Variants in GPM6A observed in about 807,000 individuals in gnomAD.
The protein encoded by GPM6A is glycoprotein M6A, also known as neuronal membrane glycoprotein M6-a.
A neutral mutation model predicts 32.1 loss-of-function variants in GPM6A; 7 were observed. The observed-to-expected ratio is 0.22, with a 90% confidence interval of 0.12 to 0.41. The LOEUF (loss-of-function observed/expected upper bound fraction) is 0.41, where lower values mean the gene tolerates loss of function less well. GPM6A is among the 10% of genes least tolerant of loss of function. The probability of loss-of-function intolerance (pLI) is 1.00; values close to 1 mark genes in which losing one functional copy is unlikely to be tolerated. For synonymous variants in GPM6A, 130 were observed against 123.4 expected, an observed-to-expected ratio of 1.05 and a Z score of -0.35; for missense variants, 235 against 347.2, an observed-to-expected ratio of 0.68 and a Z score of 2.57.
At chr4:175,970,270 G>A in intron 1 of GPM6A, among the ~76,000 whole-genome samples, 1 of 152,166 alleles carries the variant, frequency 6.6e-6, no homozygotes, top group East Asian at 1.9e-4. Context: ...AACAGAGAAG[G>A]AAACTGAGGG....
In GPM6A at chr4:175,662,746, T is replaced by C. The variant is rs542849285; in HGVS notation, c.388-10759A>G. Among the ~76,000 whole-genome samples, 12 of 152,134 alleles carry C rather than the reference T, an allele frequency of 7.9e-5. No homozygotes were observed. The South Asian group carries it at 2.5e-3, about 32-fold the overall frequency. Reference sequence around the variant, plus strand: ...ATATACAGATATATATCTATAGATATAGATATATGGATAGATAGATATGAA... The same window carrying C: ...ATATACAGATATATATCTATAGATACAGATATATGGATAGATAGATATGAA... On this transcript the variant is annotated intron_variant, in intron 3 of 6. Coordinates refer to ENST00000393658, the MANE Select transcript of GPM6A (RefSeq NM_201591.3).
upstream of GPM6A, among the ~76,000 whole-genome samples, chr4:175,816,519 G>A (rs567028805): frequency 2.1e-3 from 319 of 152,282 alleles, no homozygotes; most frequent in African/African-American, 7.4e-3. Flanking sequence ...AGTAAGGAGA[G>A]TTAACAGATT....
intron 1 of GPM6A, among the ~76,000 whole-genome samples, chr4:175,759,234 T>A (rs1200523174): frequency 5.9e-5 from 9 of 151,976 alleles, no homozygotes; most frequent in African/African-American, 1.5e-4. Context: ...GTTATCTGCC[T>A]CATGATGATG....
Position 175,803,995 on chromosome 4 carries a change from T to C in GPM6A, c.37+8196A>G, listed in dbSNP as rs1303569269. Among the ~76,000 whole-genome samples, 10 of 152,232 alleles carry C rather than the reference T, an allele frequency of 6.6e-5. No homozygotes were observed. In the East Asian group the frequency reaches 1.9e-3, roughly 29 times the overall value. On this transcript the variant is annotated intron_variant, in intron 1 of 6. Coordinates refer to ENST00000393658, the MANE Select transcript of GPM6A (RefSeq NM_201591.3). ...TTTTTTTTTTAACTTGATGAAAAAC[T>C]AAAATAACGTCTCTGAGACAATAAA...
intron 1 of GPM6A, among the ~76,000 whole-genome samples, chr4:175,984,809 A>G (rs1740925386): frequency 1.3e-5 from 2 of 152,208 alleles, no homozygotes; most frequent in South Asian, 2.1e-4. Context: ...TGTGTGAGGC[A>G]GTAAAATAAT....
intron 6 of GPM6A, among the ~76,000 whole-genome samples, chr4:175,635,838 G>C (rs1459878890): frequency 6.6e-6 from 1 of 151,998 alleles, no homozygotes; most frequent in Admixed American, 6.6e-5. Context: ...TGATGAATAG[G>C]GAAGAGAAAC....
chr4:175,764,097 C>G (rs1374427522), intron 1 of GPM6A, among the ~76,000 whole-genome samples: 1 of 152,184 alleles, frequency 6.6e-6, no homozygotes, highest in Non-Finnish European at 1.5e-5. Flanking sequence ...ATATAACCAT[C>G]ACCACTATCT....
chr4:175,976,154 C>T (rs115511565), intron 1 of GPM6A, among the ~76,000 whole-genome samples: 1,797 of 147,460 alleles, frequency 0.012, 31 homozygotes, highest in African/African-American at 0.043. Flanking sequence ...TTAAATATGT[C>T]GTCTTTTTTT....
chr4:175,874,334 T>C (rs940305985), intron 1 of GPM6A, among the ~76,000 whole-genome samples: 25 of 152,118 alleles, frequency 1.6e-4, no homozygotes, highest in African/African-American at 5.8e-4. Flanking sequence ...AAAAATTGAA[T>C]GTAATGCTGC....
intron 2 of GPM6A, among the ~76,000 whole-genome samples, chr4:175,675,980 A>G (rs990625850): frequency 1.2e-4 from 19 of 152,044 alleles, no homozygotes; most frequent in Non-Finnish European, 1.0e-4. Context: ...GTCATGGGAG[A>G]GACCCACCGG....
intron 1 of GPM6A, chr4:175,807,067 G>C (rs1489991704): frequency 6.6e-6 from 1 of 152,116 alleles, no homozygotes; most frequent in African/African-American, 2.4e-5. Flanking sequence ...TATTTTCTTA[G>C]CCACTAGTCT....
At chr4:175,845,407 G>A (rs1181328004) in intron 1 of GPM6A, among the ~76,000 whole-genome samples, 1 of 151,986 alleles carries the variant, frequency 6.6e-6, no homozygotes, top group Admixed American at 6.6e-5. Context: ...AACAGACATG[G>A]AACCCACCAT....
intron 1 of GPM6A, among the ~76,000 whole-genome samples, chr4:175,781,869 A>G (rs865956724): frequency 2.0e-5 from 3 of 152,132 alleles, no homozygotes; most frequent in Admixed American, 1.3e-4. Flanking sequence ...AGTTACCACA[A>G]ATATTTCCTC....
chr4:175,976,371 T>G (rs1740663590), intron 1 of GPM6A, among the ~76,000 whole-genome samples: 1 of 148,740 alleles, frequency 6.7e-6, no homozygotes, highest in Admixed American at 6.7e-5. Context: ...TTTCACCATG[T>G]TAGCCACGAT....
At chr4:175,942,211 A>C (rs2126345702) in intron 1 of GPM6A, among the ~76,000 whole-genome samples, 1 of 151,970 alleles carries the variant, frequency 6.6e-6, no homozygotes, top group East Asian at 1.9e-4. Flanking sequence ...TCCTTTACCC[A>C]CTTTTTGATG....
At chr4:175,890,894 C>T (rs1737627196) in intron 1 of GPM6A, among the ~76,000 whole-genome samples, 1 of 151,982 alleles carries the variant, frequency 6.6e-6, no homozygotes, top group African/African-American at 2.4e-5. Flanking sequence ...TTAGAGATCA[C>T]GCATGCAGTA....
At chr4:175,934,310 T>G (rs1355595324) in intron 1 of GPM6A, among the ~76,000 whole-genome samples, 2 of 152,206 alleles carry the variant, frequency 1.3e-5, no homozygotes, top group Non-Finnish European at 2.9e-5. Context: ...CTTTCATCAA[T>G]TAACGCTTAA....
At chr4:175,867,266 G>C (rs944781402) in intron 1 of GPM6A, among the ~76,000 whole-genome samples, 1 of 152,090 alleles carries the variant, frequency 6.6e-6, no homozygotes. Flanking sequence ...ATAAACCCCA[G>C]TTTATCGTTT....
chr4:175,860,777 G>A (rs1295866820), intron 1 of GPM6A, among the ~76,000 whole-genome samples: 1 of 152,114 alleles, frequency 6.6e-6, no homozygotes, highest in African/African-American at 2.4e-5. Flanking sequence ...AGTAGAACCA[G>A]GAAAATCTTT....
Sources: allele counts gnomAD v4.1 joint callset (sites outside exome capture counted in the v4.1 genomes callset), GRCh38; gene constraint gnomAD v4.1.1; transcripts MANE v1.5; gene names NCBI Gene and HGNC (gene_info 2026-07-23, HGNC 2026-07-21).